SKIDA1: variants seen among roughly 807,000 people sequenced by gnomAD.
SKIDA1 encodes SKI/DACH domain containing 1.
SKIDA1 carries 18 observed loss-of-function variants against 51.4 expected under a neutral mutation model. The ratio of observed to expected loss-of-function variants is 0.35; its 90% CI spans 0.24 to 0.52. SKIDA1 has a LOEUF of 0.52. Ranked by LOEUF, SKIDA1 falls within the 20% of genes least tolerant of loss-of-function variation. The pLI is 0.95. For synonymous variants in SKIDA1, 579 were observed against 500.5 expected (o/e 1.16, Z -2.09); for missense variants, 1,104 against 1,180.6 (o/e 0.94, Z 0.95).
In SKIDA1 at chr10:21,516,123, G is replaced by C. The variant is rs1195339382; in HGVS notation, c.1700C>G (p.Thr567Ser). 2 of 1,613,904 alleles carry C rather than the reference G, an allele frequency of 1.2e-6. No homozygotes were observed. The highest frequency in any genetic ancestry group is 2.7e-5 in the African/African-American group (2 of 74,922). The part of the protein sequence containing the change: ...HSEISNAVKR[T>S]DLTINCLAEG... ...TGCCAGGCAGTTAATTGTCAGGTCA[G>C]TTCTCTTTACAGCATTGGAAATTTC... The change falls in exon 4 of 4, where the codon ACT becomes AGT. Residue 567 changes from threonine to serine, a missense_variant. Coordinates refer to ENST00000449193, the MANE Select transcript of SKIDA1 (RefSeq NM_207371.4). This position sits in a 1 kb window ranked among gnomAD's most constrained non-coding sequence, Gnocchi z 5.7.
At position 21,517,388 on chromosome 10, in the gene SKIDA1, G is replaced by C. The variant is rs572580223; in HGVS notation, c.435C>G (p.Ala145=). The change falls in exon 4 of 4, where the codon GCC becomes GCG. Residue 145 remains alanine (A), a synonymous_variant. Coordinates refer to ENST00000449193, the MANE Select transcript of SKIDA1 (RefSeq NM_207371.4). This position sits in a 1 kb window ranked among gnomAD's most constrained non-coding sequence, Gnocchi z 6.9. ...KHQLWRGLSG[A]ARPLPISAQS... is the part of the protein sequence containing the mutation. Reference sequence around the variant, plus strand: ...GCGCGCTGATTGGCAGGGGCCGCGCGGCTCCGCTCAGGCCCCGCCAAAGTT... The same window carrying C: ...GCGCGCTGATTGGCAGGGGCCGCGCCGCTCCGCTCAGGCCCCGCCAAAGTT... 9.4e-5 allele frequency: 133 copies of C among 1,417,500 alleles called. 3 individuals are homozygous for C. In the African/African-American group the frequency reaches 1.6e-3, roughly 17 times the overall value. The allele number at this position is 1,417,500 out of a possible 1,614,324, so 87.8% of individuals were successfully genotyped here.
chr10:21,515,785 G>T lies in SKIDA1; in HGVS notation c.2038C>A (p.Pro680Thr), dbSNP rs757585135. Reference sequence around the variant, plus strand: ...TTGATTTTAATATTGTGCAGAAATGGCAATGTCTTGTCGCCTGTGTCAGTG... The same window carrying T: ...TTGATTTTAATATTGTGCAGAAATGTCAATGTCTTGTCGCCTGTGTCAGTG... The part of the protein sequence containing the change: ...PCTDTGDKTL[P>T]FLHNIKIKVE... The change falls in exon 4 of 4, where the codon CCA (proline) becomes ACA (threonine). Residue 680 changes from proline (P) to threonine (T), a missense_variant. Around this residue, in one of 3 missense-constraint regions of SKIDA1, gnomAD observed 938 missense variants for 886.4 expected, o/e 1.06. Transcript: ENST00000449193. The T allele has an allele frequency of 2.2e-5, 36 of 1,613,842 alleles. No homozygotes were observed. The highest frequency in any genetic ancestry group is 3.1e-5 in the Non-Finnish European group (36 of 1,179,896).
chr10:21,516,815 C>A lies in SKIDA1; in HGVS notation c.1008G>T (p.Pro336=). Residue 336 remains proline (P), a synonymous_variant, in exon 4 of 4, where the codon CCG becomes CCT. Transcript: ENST00000449193. This position sits in a 1 kb window ranked among gnomAD's most constrained non-coding sequence, Gnocchi z 5.7. ...GATGGTGGTGGTGGTGGTGGTGGTG[C>A]GGAGGCGGGCAGAAGCCGTTGACCA... ...FHLVNGFCPP[P]HHHHHHHHHH... is the part of the protein sequence containing the mutation. The A allele has an allele frequency of 6.5e-7, 1 of 1,540,756 alleles. No homozygotes were observed. Among genetic ancestry groups the A allele is most frequent in the Non-Finnish European group, 8.7e-7 (1 of 1,144,916 alleles).
At position 21,518,569 on chromosome 10, in the gene SKIDA1, G is replaced by A. The variant is rs1009323438; in HGVS notation, c.-747C>T. 2 of 164,676 alleles carry A rather than the reference G, an allele frequency of 1.2e-5. No homozygotes were observed. The highest frequency in any genetic ancestry group is 3.0e-5 in the Non-Finnish European group (2 of 67,770). The allele number at this position is 164,676 out of a possible 1,614,324, so 10.2% of individuals were successfully genotyped here. On this transcript the variant is annotated 5_prime_UTR_variant, in exon 4 of 4. Coordinates refer to ENST00000449193, the MANE Select transcript of SKIDA1 (RefSeq NM_207371.4). ...AAAAAAAAAACCGCACCGTATATTC[G>A]CCTTTAAAGAAATACTGCCTATTTT... is the stretch of plus-strand genomic sequence containing the variant.
chr10:21,525,520 C>T (rs2032696178), intron 1 of SKIDA1, 27 bp downstream of exon 1: 1 of 152,272 alleles, frequency 6.6e-6, no homozygotes, highest in Non-Finnish European at 1.5e-5. Flanking sequence ...CGCTCCACCC[C>T]ACCCCGCCTC....
rs1259220180 is a variant in SKIDA1 at position 21,514,297 on chromosome 10, A to G, written c.*799T>C. On this transcript the variant is annotated 3_prime_UTR_variant, in exon 4 of 4. Transcript: ENST00000449193. ...ATGTTCAGACCACAAGATAAGCAGGACAATAGTAAGAGTCACCTTATTTAA... is the reference window on the plus strand; with the variant it reads ...ATGTTCAGACCACAAGATAAGCAGGGCAATAGTAAGAGTCACCTTATTTAA... 3 of 151,784 alleles carry G rather than the reference A, an allele frequency of 2.0e-5. No homozygotes were observed. In the South Asian group the frequency reaches 6.2e-4, roughly 32 times the overall value. The allele number at this position is 151,784 out of a possible 1,614,324, so 9.4% of individuals were successfully genotyped here.
chr10:21,517,292 G>T lies in SKIDA1; in HGVS notation c.531C>A (p.Pro177=). Residue 177 remains proline, a synonymous_variant, in exon 4 of 4, where the codon CCC becomes CCA. Coordinates refer to ENST00000449193, the MANE Select transcript of SKIDA1 (RefSeq NM_207371.4). This position sits in a 1 kb window ranked among gnomAD's most constrained non-coding sequence, Gnocchi z 6.9. ...GCACGATCTCCGGGTAGTGCGAGCC[G>T]GGGTATTTGCTAAAAATCTGAGGTA... ...AHLPQIFSKY[P]GSHYPEIVRS... The T allele has an allele frequency of 6.8e-7, 1 of 1,466,944 alleles. No individual in the cohort carries two copies. Among genetic ancestry groups the T allele is most frequent in the Non-Finnish European group, 9.0e-7 (1 of 1,106,776 alleles). 90.9% of individuals were successfully genotyped at this position (1,466,944 alleles called of 1,614,324 possible).
Position 21,515,072 on chromosome 10 carries a change from A to C in SKIDA1, c.*24T>G. On this transcript the variant is annotated 3_prime_UTR_variant, in exon 4 of 4. Coordinates refer to ENST00000449193, the MANE Select transcript of SKIDA1 (RefSeq NM_207371.4). The stretch of plus-strand genomic sequence containing the variant: ...CAACAAAAGGAAGGTAATATGGTTC[A>C]AGAAAATATCTTCCAAAACATTTTT... 9 of 1,555,166 alleles carry C rather than the reference A, an allele frequency of 5.8e-6. No homozygotes were observed. Among genetic ancestry groups the C allele is most frequent in the Non-Finnish European group, 7.8e-6 (9 of 1,150,306 alleles).
Position 21,517,271 on chromosome 10 carries a change from G to T in SKIDA1, c.552C>A (p.Ile184=). 2 of 1,472,878 alleles carry T rather than the reference G, an allele frequency of 1.4e-6. No homozygotes were observed. Among genetic ancestry groups the T allele is most frequent in the Non-Finnish European group, 1.8e-6 (2 of 1,109,562 alleles). 91.2% of individuals were successfully genotyped at this position (1,472,878 alleles called of 1,614,324 possible). Residue 184 remains isoleucine, a synonymous_variant, in exon 4 of 4, where the codon ATC becomes ATA. Coordinates refer to ENST00000449193, the MANE Select transcript of SKIDA1 (RefSeq NM_207371.4). The surrounding 1 kb of genome is among the most constrained non-coding windows in gnomAD (Gnocchi z 6.9). Reference sequence around the variant, plus strand: ...GAGGGGGTTTGCACGGCGAGCGCACGATCTCCGGGTAGTGCGAGCCGGGGT... The same window carrying T: ...GAGGGGGTTTGCACGGCGAGCGCACTATCTCCGGGTAGTGCGAGCCGGGGT... The part of the protein sequence containing the change: ...SKYPGSHYPE[I]VRSPCKPPLN...
At position 21,516,791 on chromosome 10, in the gene SKIDA1, A is replaced by ATGG. The variant is rs749932127; in HGVS notation, c.1029_1031dup (p.His351dup). 312 of 1,514,348 alleles carry ATGG rather than the reference A, an allele frequency of 2.1e-4. No homozygotes were observed. Among genetic ancestry groups the ATGG allele is most frequent in the African/African-American group, 5.0e-4 (35 of 69,636 alleles). 93.8% of individuals were successfully genotyped at this position (1,514,348 alleles called of 1,614,324 possible). ...CCCGGTGGTGGTGGTGGTGGTGGTG[A>ATGG]TGGTGGTGGTGGTGGTGGTGGTGCG... On this transcript the variant is annotated inframe_insertion, in exon 4 of 4. Transcript: ENST00000449193. The surrounding 1 kb of genome is among the most constrained non-coding windows in gnomAD (Gnocchi z 5.7).
Position 21,516,326 on chromosome 10 carries a change from G to A in SKIDA1, c.1497C>T (p.Phe499=). 3.1e-6 allele frequency: 5 copies of A among 1,613,716 alleles called. No homozygotes were observed. Among genetic ancestry groups the A allele is most frequent in the Non-Finnish European group, 3.4e-6 (4 of 1,179,902 alleles). Residue 499 remains phenylalanine (F), a synonymous_variant, in exon 4 of 4, where the codon TTC becomes TTT. Coordinates refer to ENST00000449193, the MANE Select transcript of SKIDA1 (RefSeq NM_207371.4). This position sits in a 1 kb window ranked among gnomAD's most constrained non-coding sequence, Gnocchi z 5.7. ...SAAAATKPAA[F]EDAGRLPDLK... is the part of the protein sequence containing the mutation. ...GGTCGGGAAGTCTGCCGGCATCCTCGAAAGCAGCGGGTTTGGTTGCAGCGG... is the reference window on the plus strand; with the variant it reads ...GGTCGGGAAGTCTGCCGGCATCCTCAAAAGCAGCGGGTTTGGTTGCAGCGG...
Position 21,518,231 on chromosome 10 carries a change from T to G in SKIDA1, c.-409A>C. 1 of 172,884 alleles carries G rather than the reference T, an allele frequency of 5.8e-6. No homozygotes were observed. The highest frequency in any genetic ancestry group is 1.4e-5 in the Non-Finnish European group (1 of 72,196). The allele number at this position is 172,884 out of a possible 1,614,324, so 10.7% of individuals were successfully genotyped here. Reference sequence around the variant, plus strand: ...AGAAAGAGAAAAGAAATGCAGCTGCTATTCCCGCCGCTGCTTTAGCTACAA... The same window carrying G: ...AGAAAGAGAAAAGAAATGCAGCTGCGATTCCCGCCGCTGCTTTAGCTACAA... On this transcript the variant is annotated 5_prime_UTR_variant, in exon 4 of 4. Coordinates refer to ENST00000449193, the MANE Select transcript of SKIDA1 (RefSeq NM_207371.4).
chr10:21,517,127 G>GGCGGCGGCGGCGGCGGCGGCAGCAGCA lies in SKIDA1; in HGVS notation c.695_696insTGCTGCTGCCGCCGCCGCCGCCGCCGC (p.Ala236_Ala244dup), dbSNP rs2032260760. 1 of 992,526 alleles carries GGCGGCGGCGGCGGCGGCGGCAGCAGCA rather than the reference G, an allele frequency of 1.0e-6. No individual in the cohort carries two copies. Among genetic ancestry groups the GGCGGCGGCGGCGGCGGCGGCAGCAGCA allele is most frequent in the African/African-American group, 1.8e-5 (1 of 54,832 alleles). 61.5% of individuals were successfully genotyped at this position (992,526 alleles called of 1,614,324 possible). ...CGGCGGCGGCGGCGGCGGCAGCAGCGGCGGCGGCGGCGGCGGCGGCGGCTG... is the reference window on the plus strand; with the variant it reads ...CGGCGGCGGCGGCGGCGGCAGCAGCGGCGGCGGCGGCGGCGGCGGCAGCAGCAGCGGCGGCGGCGGCGGCGGCGGCTG... On this transcript the variant is annotated inframe_insertion, in exon 4 of 4. Coordinates refer to ENST00000449193, the MANE Select transcript of SKIDA1 (RefSeq NM_207371.4). This position sits in a 1 kb window ranked among gnomAD's most constrained non-coding sequence, Gnocchi z 6.9.
In SKIDA1 at chr10:21,517,400, G is replaced by T; in HGVS notation, c.423C>A (p.Gly141=). ...FWKDKHQLWR[G]LSGAARPLPI... ...GCAGGGGCCGCGCGGCTCCGCTCAG[G>T]CCCCGCCAAAGTTGGTGCTTGTCCT... is the stretch of plus-strand genomic sequence containing the variant. The change falls in exon 4 of 4, where the codon GGC becomes GGA. Residue 141 remains glycine, a synonymous_variant. Transcript: ENST00000449193. The surrounding 1 kb of genome is among the most constrained non-coding windows in gnomAD (Gnocchi z 6.9). The T allele has an allele frequency of 6.8e-7, 1 of 1,460,196 alleles. No homozygotes were observed. 90.5% of individuals were successfully genotyped at this position (1,460,196 alleles called of 1,614,324 possible).
rs1362055702 is a variant in SKIDA1, at chr10:21,525,540, AT to A, written c.-2118+6del. The A allele has an allele frequency of 1.3e-5, 2 of 152,144 alleles. No individual in the cohort carries two copies. Among genetic ancestry groups the A allele is most frequent in the Admixed American group, 6.5e-5 (1 of 15,272 alleles). The allele number at this position is 152,144 out of a possible 1,614,324, so 9.4% of individuals were successfully genotyped here. Reference sequence around the variant, plus strand: ...CACCCCACCCCGCCTCAAAATCCGTATATTACCTGCCCTGTTACAGTGACAC... The same window carrying A: ...CACCCCACCCCGCCTCAAAATCCGTAATTACCTGCCCTGTTACAGTGACAC... On this transcript the variant is annotated splice_donor_region_variant and intron_variant, in intron 1 of 3. Coordinates refer to ENST00000449193, the MANE Select transcript of SKIDA1 (RefSeq NM_207371.4).
At chr10:21,521,768 C>T (rs1192718319) in intron 2 of SKIDA1, among the ~76,000 whole-genome samples, 3 of 152,144 alleles carry the variant, frequency 2.0e-5, no homozygotes, top group African/African-American at 7.2e-5. Flanking sequence ...AACAAAGCTG[C>T]TTGCAAAAGG....
Position 21,516,875 on chromosome 10 carries a change from GGCCGCCGCC to G in SKIDA1, c.939_947del (p.Ala316_Ala318del). 5 of 1,291,406 alleles carry G rather than the reference GGCCGCCGCC, an allele frequency of 3.9e-6. No individual in the cohort carries two copies. The highest frequency in any genetic ancestry group is 1.5e-5 in the African/African-American group (1 of 64,566). The allele number at this position is 1,291,406 out of a possible 1,614,324, so 80.0% of individuals were successfully genotyped here. On this transcript the variant is annotated inframe_deletion, in exon 4 of 4. Coordinates refer to ENST00000449193, the MANE Select transcript of SKIDA1 (RefSeq NM_207371.4). The surrounding 1 kb of genome is among the most constrained non-coding windows in gnomAD (Gnocchi z 5.7). ...TCTCCAGGCAAGTGGCCCCCGCGGCGGCCGCCGCCGCCGCTGCCGCCGCCGCCGCCGCCG... is the reference window on the plus strand; with the variant it reads ...TCTCCAGGCAAGTGGCCCCCGCGGCGGCCGCTGCCGCCGCCGCCGCCGCCG...
chr10:21,517,214 G>C lies in SKIDA1; in HGVS notation c.609C>G (p.Asn203Lys). The C allele has an allele frequency of 6.9e-7, 1 of 1,455,990 alleles. No homozygotes were observed. The highest frequency in any genetic ancestry group is 9.1e-7 in the Non-Finnish European group (1 of 1,098,418). 90.2% of individuals were successfully genotyped at this position (1,455,990 alleles called of 1,614,324 possible). Reference sequence around the variant, plus strand: ...CAGGGTCCGAGGGGAAGGCGACGTAGTTTCCCTGGAGCGGGGCAGTTTCAT... The same window carrying C: ...CAGGGTCCGAGGGGAAGGCGACGTACTTTCCCTGGAGCGGGGCAGTTTCAT... ...LNYETAPLQG[N>K]YVAFPSDPAY... The change falls in exon 4 of 4, where the codon AAC (asparagine) becomes AAG (lysine). Residue 203 changes from asparagine to lysine, a missense_variant. Asn to Lys is a moderately conservative substitution (Grantham distance 94). Coordinates refer to ENST00000449193, the MANE Select transcript of SKIDA1 (RefSeq NM_207371.4). The surrounding 1 kb of genome is among the most constrained non-coding windows in gnomAD (Gnocchi z 6.9).
In SKIDA1 at chr10:21,517,269, A is replaced by G; in HGVS notation, c.554T>C (p.Val185Ala). The stretch of plus-strand genomic sequence containing the variant: ...TAGAGGGGGTTTGCACGGCGAGCGC[A>G]CGATCTCCGGGTAGTGCGAGCCGGG... ...KYPGSHYPEI[V>A]RSPCKPPLNY... Residue 185 changes from valine to alanine, a missense_variant, in exon 4 of 4, where the codon GTG becomes GCG. Physicochemically the swap from Val to Ala is moderately conservative, Grantham distance 64. Around this residue, in one of 3 missense-constraint regions of SKIDA1, gnomAD observed 938 missense variants for 886.4 expected, o/e 1.06. Transcript: ENST00000449193. The surrounding 1 kb of genome is among the most constrained non-coding windows in gnomAD (Gnocchi z 6.9). 6.8e-7 allele frequency: 1 copy of G among 1,473,396 alleles called. No homozygotes were observed. Among genetic ancestry groups the G allele is most frequent in the African/African-American group, 1.5e-5 (1 of 67,758 alleles). 91.3% of individuals were successfully genotyped at this position (1,473,396 alleles called of 1,614,324 possible).
Sources: allele counts gnomAD v4.1 joint callset (sites outside exome capture counted in the v4.1 genomes callset), GRCh38; gene constraint gnomAD v4.1.1; regional missense constraint gnomAD v4.1.1; non-coding constraint Gnocchi (gnomAD v3.1); transcripts MANE v1.5; gene names NCBI Gene and HGNC (gene_info 2026-07-23, HGNC 2026-07-21).